The following ZNF705G variants were observed in gnomAD, a reference collection of about 807,000 sequenced individuals.
The protein encoded by ZNF705G is putative zinc finger protein 705G.
ZNF705G carries 23 observed loss-of-function variants against 19.6 expected under a neutral mutation model. The ratio of observed to expected loss-of-function variants is 1.17; its 90% CI spans 0.84 to 1.66. The LOEUF (loss-of-function observed/expected upper bound fraction) is 1.66, where lower values mean the gene tolerates loss of function less well. Ranked by LOEUF, ZNF705G falls within the 40% of genes most tolerant of loss-of-function variation. ZNF705G has a pLI of 0.00. For missense variants in ZNF705G, 457 were observed against 354.4 expected, an observed-to-expected ratio of 1.29 and a Z score of -2.32; for synonymous variants, 146 against 117.7, an observed-to-expected ratio of 1.24 and a Z score of -1.56.
intron 6 of ZNF705G, among the ~76,000 whole-genome samples, chr8:7,359,207 C>T (rs1374405747): frequency 6.7e-6 from 1 of 149,554 alleles, no homozygotes; most frequent in Non-Finnish European, 1.5e-5. Context: ...CACCTGTCCC[C>T]TGGGTGCATG....
Position 7,358,434 on chromosome 8 carries a change from A to ATAGGGTTT in ZNF705G, c.444_445insAAACCCTA (p.Cys149LysfsTer47). The ATAGGGTTT allele has an allele frequency of 6.2e-7, 1 of 1,607,738 alleles. No homozygotes were observed. The highest frequency in any genetic ancestry group is 1.1e-5 in the South Asian group (1 of 90,712). ...AAAAGATTACGAAGGGATTTTCCAC[A>ATAGGGTTT]CTGTTTGCTGACATAGGGTTTCTTT... On this transcript the variant is annotated frameshift_variant, in exon 7 of 7. Transcript: ENST00000400156. LOFTEE classifies it high-confidence loss of function.
chr8:7,366,087 G>A (rs1563294801), intron 2 of ZNF705G, among the ~76,000 whole-genome samples: 1 of 149,348 alleles, frequency 6.7e-6, no homozygotes, highest in Non-Finnish European at 1.5e-5. Context: ...TCACCACAGA[G>A]TAAAAGAGAA....
At chr8:7,362,168 G>T (rs1206004461) in intron 3 of ZNF705G, among the ~76,000 whole-genome samples, 1 of 149,372 alleles carries the variant, frequency 6.7e-6, no homozygotes, top group Admixed American at 6.6e-5. Context: ...CATTTCCACA[G>T]AACCCTAAAT....
In ZNF705G at chr8:7,358,533, A is replaced by T. The variant is rs765587962; in HGVS notation, c.346T>A (p.Phe116Ile). Residue 116 changes from phenylalanine (F) to isoleucine (I), a missense_variant, in exon 7 of 7, where the codon TTT becomes ATT. Physicochemically the swap from Phe to Ile is conservative, Grantham distance 21. Coordinates refer to ENST00000400156, the MANE Select transcript of ZNF705G (RefSeq NM_001164457.3). Reference sequence around the variant, plus strand: ...TCTTCTCCCGAATCATTACATTCAAAAGGATCCTCCAGAATGAGAGAGTTC... The same window carrying T: ...TCTTCTCCCGAATCATTACATTCAATAGGATCCTCCAGAATGAGAGAGTTC... ...MENSLILEDP[F>I]ECNDSGEDCT... 6.2e-7 allele frequency: 1 copy of T among 1,607,478 alleles called. No individual in the cohort carries two copies. Among genetic ancestry groups the T allele is most frequent in the South Asian group, 1.1e-5 (1 of 90,708 alleles).
chr8:7,358,393 A>G lies in ZNF705G; in HGVS notation c.486T>C (p.His162=). The change falls in exon 7 of 7, where the codon CAT becomes CAC. Residue 162 remains histidine, a synonymous_variant. Transcript: ENST00000400156. ...SLRNLLSTEP[H]KQIHTKGKSY... Reference sequence around the variant, plus strand: ...ATTTACCTTTAGTATGAATTTGTTTATGTGGTTCAGTGGACAAAAGATTAC... The same window carrying G: ...ATTTACCTTTAGTATGAATTTGTTTGTGTGGTTCAGTGGACAAAAGATTAC... The G allele has an allele frequency of 1.9e-6, 3 of 1,607,604 alleles. No individual in the cohort carries two copies. The highest frequency in any genetic ancestry group is 2.2e-5 in the South Asian group (2 of 90,718).
intron 2 of ZNF705G, among the ~76,000 whole-genome samples, chr8:7,366,924 A>C (rs1806883180): frequency 6.7e-6 from 1 of 149,738 alleles, no homozygotes; most frequent in African/African-American, 2.6e-5. Context: ...TAGATTGGCC[A>C]CGACTTTGGC....
rs891234209 is a variant in ZNF705G at position 7,356,355 on chromosome 8, C to A, written c.*1621G>T. ...AAAATGTGGGGTGTTATGAGATGAA[C>A]TGCTACTTCCAGTTAGAGAGGCTCC... On this transcript the variant is annotated 3_prime_UTR_variant, in exon 7 of 7. Transcript: ENST00000400156. 2.7e-5 allele frequency: 4 copies of A among 149,848 alleles called. No individual in the cohort carries two copies. Among genetic ancestry groups the A allele is most frequent in the African/African-American group, 1.0e-4 (4 of 39,004 alleles). The allele number at this position is 149,848 out of a possible 1,614,324, so 9.3% of individuals were successfully genotyped here.
intron 2 of ZNF705G, among the ~76,000 whole-genome samples, chr8:7,365,082 A>G (rs1308323187): frequency 6.7e-6 from 1 of 149,752 alleles, no homozygotes; most frequent in Non-Finnish European, 1.5e-5. Flanking sequence ...CAAAGAAAGG[A>G]CAAATATTAT....
At chr8:7,359,370 A>G (rs1806460714) in intron 6 of ZNF705G, among the ~76,000 whole-genome samples, 3 of 149,808 alleles carry the variant, frequency 2.0e-5, no homozygotes, top group Non-Finnish European at 4.4e-5. Context: ...AATTGTGTTG[A>G]TATCAATATC....
At chr8:7,367,048 G>A (rs1238613121) in intron 2 of ZNF705G, among the ~76,000 whole-genome samples, 1 of 149,620 alleles carries the variant, frequency 6.7e-6, no homozygotes, top group African/African-American at 2.6e-5. Context: ...AATCTTGGAG[G>A]AGGCAGTTAA....
Position 7,358,035 on chromosome 8 carries a change from T to A in ZNF705G, c.844A>T (p.Lys282Ter). The change falls in exon 7 of 7, where the codon AAA (lysine) becomes TAA (stop). Residue 282 changes from lysine (K) to a stop codon, truncating the protein, a stop_gained. Coordinates refer to ENST00000400156, the MANE Select transcript of ZNF705G (RefSeq NM_001164457.3). LOFTEE classifies it high-confidence loss of function. Reference protein sequence around the residue: ...RGNKIIHTGEKPHACLLCGKA... With the variant: ...RGNKIIHTGE ...CCACATAGAAGACAAGCATGTGGTT[T>A]CTCTCCAGTGTGAATTATTTTGTTT... 6.2e-7 allele frequency: 1 copy of A among 1,608,942 alleles called. No homozygotes were observed. The highest frequency in any genetic ancestry group is 8.5e-7 in the Non-Finnish European group (1 of 1,179,812).
At chr8:7,362,158 C>A (rs1216597141) in intron 3 of ZNF705G, among the ~76,000 whole-genome samples, 2 of 149,592 alleles carry the variant, frequency 1.3e-5, no homozygotes, top group African/African-American at 5.1e-5. Flanking sequence ...CCTTATAAAG[C>A]ATTTCCACAG....
chr8:7,385,347 A>G (rs1246648077), intron 1 of ZNF705G, among the ~76,000 whole-genome samples, 151 bp downstream of exon 1: 1 of 148,158 alleles, frequency 6.7e-6, no homozygotes, highest in Non-Finnish European at 1.5e-5. Context: ...TACTACTGAT[A>G]ATAATAATAA....
chr8:7,365,512 G>A (rs1211359311), intron 2 of ZNF705G, among the ~76,000 whole-genome samples: 3 of 148,660 alleles, frequency 2.0e-5, no homozygotes, highest in Admixed American at 1.3e-4. Flanking sequence ...CTGAGTAGCT[G>A]GGATGACAGG....
chr8:7,364,492 C>T (rs1451230391), intron 2 of ZNF705G, among the ~76,000 whole-genome samples: 1 of 149,576 alleles, frequency 6.7e-6, no homozygotes, highest in Non-Finnish European at 1.5e-5. Context: ...AAATGATCAA[C>T]AGAGTTTGAA....
chr8:7,366,045 A>T (rs1298059320), intron 2 of ZNF705G, among the ~76,000 whole-genome samples: 3 of 149,664 alleles, frequency 2.0e-5, no homozygotes, highest in Non-Finnish European at 4.4e-5. Flanking sequence ...AGCAGCTGAC[A>T]TTCTAGCAAT....
chr8:7,365,241 A>T (rs1241917758), intron 2 of ZNF705G, among the ~76,000 whole-genome samples: 1 of 149,706 alleles, frequency 6.7e-6, no homozygotes, highest in Non-Finnish European at 1.5e-5. Context: ...TTATGGGTCT[A>T]AAATTTTCAT....
Position 7,358,519 on chromosome 8 carries a change from A to G in ZNF705G, c.360T>C (p.Asp120=). The change falls in exon 7 of 7, where the codon GAT becomes GAC. Residue 120 remains aspartate (D), a synonymous_variant. Transcript: ENST00000400156. ...AACTGCGAGTGCAATCTTCTCCCGA[A>G]TCATTACATTCAAAAGGATCCTCCA... is the stretch of plus-strand genomic sequence containing the variant. ...LILEDPFECN[D]SGEDCTRSST... 1 of 1,607,552 alleles carries G rather than the reference A, an allele frequency of 6.2e-7. No individual in the cohort carries two copies. Among genetic ancestry groups the G allele is most frequent in the Non-Finnish European group, 8.5e-7 (1 of 1,179,588 alleles).
chr8:7,369,144 G>A (rs1236885233), intron 2 of ZNF705G, among the ~76,000 whole-genome samples: 1 of 149,564 alleles, frequency 6.7e-6, no homozygotes, highest in Non-Finnish European at 1.5e-5. Context: ...CAGCATGGGA[G>A]AAACTGCCCC....
Sources: allele counts gnomAD v4.1 joint callset (sites outside exome capture counted in the v4.1 genomes callset), GRCh38; gene constraint gnomAD v4.1.1; transcripts MANE v1.5; gene names NCBI Gene and HGNC (gene_info 2026-07-23, HGNC 2026-07-21).